ADGRG1: variants seen among roughly 807,000 people sequenced by gnomAD.
ADGRG1 encodes the protein adhesion G protein-coupled receptor G1, also known as 7-transmembrane protein with no EGF-like N-terminal domains-1.
A neutral mutation model predicts 73.5 loss-of-function variants in ADGRG1; 53 were observed. The ratio of observed to expected loss-of-function variants is 0.72; its 90% confidence interval spans 0.58 to 0.91. The LOEUF is 0.91. Among genes scored for constraint, ADGRG1 ranks in the 40% least tolerant of loss-of-function variants. The probability of loss-of-function intolerance (pLI) is 0.00; values close to 1 mark genes in which losing one functional copy is unlikely to be tolerated. For missense variants in ADGRG1, 795 were observed against 871.8 expected, an observed-to-expected ratio of 0.91 and a Z score of 1.11; for synonymous variants, 394 against 374.4, an observed-to-expected ratio of 1.05 and a Z score of -0.60.
At position 57,647,012 on chromosome 16, in the gene ADGRG1, G is replaced by T. The variant is rs971235273; in HGVS notation, c.-35-3241G>T. 7.1e-5 allele frequency: 69 copies of T among 975,094 alleles called. No homozygotes were observed. The African/African-American group carries it at 1.2e-3, about 17-fold the overall frequency. 60.4% of individuals were successfully genotyped at this position (975,094 alleles called of 1,614,324 possible). Reference sequence around the variant, plus strand: ...ATCTGCGGCTCCAGAGGCAGAGACAGGTCAGGTCCCAGGGGTCTGTGCGGA... The same window carrying T: ...ATCTGCGGCTCCAGAGGCAGAGACATGTCAGGTCCCAGGGGTCTGTGCGGA... On this transcript the variant is annotated intron_variant, in intron 1 of 13. Transcript: ENST00000562631.
At chr16:57,634,642 A>G (rs2038900932) in intron 1 of ADGRG1, 1 of 214,174 alleles carries the variant, frequency 4.7e-6, no homozygotes, top group Non-Finnish European at 8.0e-6. Flanking sequence ...CCAGAGTACC[A>G]CAGATGGCCA....
intron 1 of ADGRG1, chr16:57,635,977 G>A (rs1046884157): frequency 4.9e-5 from 48 of 985,210 alleles, no homozygotes; most frequent in East Asian, 1.1e-4. Flanking sequence ...GCTCTGCCTC[G>A]TGAGTCTCTG....
At chr16:57,653,073 C>A (rs2044525998) in intron 3 of ADGRG1, 130 bp from the exon 4 acceptor site, 24 of 1,566,300 alleles carry the variant, frequency 1.5e-5, no homozygotes, top group Admixed American at 3.5e-5. Context: ...CTTCTTGAAG[C>A]CTCAGTTTCC....
chr16:57,650,318 C>T lies in ADGRG1; in HGVS notation c.31C>T (p.Leu11=), dbSNP rs1165438096. ...TCCCCAGTCGCTGCTGCAGACGACA[C>T]TGTTCCTGCTGAGTCTGCTCTTCCT... MTPQSLLQTT[L]FLLSLLFLVQ... The change falls in exon 2 of 14, where the codon CTG becomes TTG. Residue 11 remains leucine, a synonymous_variant. Coordinates refer to ENST00000562631, the MANE Select transcript of ADGRG1 (RefSeq NM_201525.4). 1 of 1,613,558 alleles carries T rather than the reference C, an allele frequency of 6.2e-7. No individual in the cohort carries two copies. The highest frequency in any genetic ancestry group is 1.1e-5 in the South Asian group (1 of 91,080).
At position 57,628,724 on chromosome 16, in the gene ADGRG1, C is replaced by T; in HGVS notation, c.-114C>T. On this transcript the variant is annotated 5_prime_UTR_variant, in exon 1 of 14. Transcript: ENST00000562631. ...GGCAGGCAGCGGGGACCAGGGCTGG[C>T]AGGTTAAGCCTCTGGGGGTGGATCC... 2.0e-6 allele frequency: 2 copies of T among 985,502 alleles called. No homozygotes were observed. The highest frequency in any genetic ancestry group is 2.4e-6 in the Non-Finnish European group (2 of 829,964). The allele number at this position is 985,502 out of a possible 1,614,324, so 61.0% of individuals were successfully genotyped here.
chr16:57,622,764 G>T, upstream of ADGRG1: 1 of 985,272 alleles, frequency 1.0e-6, no homozygotes, highest in South Asian at 4.7e-5. Context: ...TCATGCTTAG[G>T]AAGACGGGGC....
At position 57,655,538 on chromosome 16, in the gene ADGRG1, G is replaced by C; in HGVS notation, c.900+8G>C. 6.2e-7 allele frequency: 1 copy of C among 1,613,740 alleles called. No individual in the cohort carries two copies. The highest frequency in any genetic ancestry group is 1.7e-5 in the Admixed American group (1 of 60,012). ...AGCCAAGCCCTGTTCCAGGTATGGGGTCCTCACCCTCATGCCTCCCAGGAG... is the reference window on the plus strand; with the variant it reads ...AGCCAAGCCCTGTTCCAGGTATGGGCTCCTCACCCTCATGCCTCCCAGGAG... On this transcript the variant is annotated splice_region_variant and intron_variant, in intron 6 of 13. Coordinates refer to ENST00000562631, the MANE Select transcript of ADGRG1 (RefSeq NM_201525.4).
At chr16:57,635,674 G>A (rs1259453274) in intron 1 of ADGRG1, 1 of 985,100 alleles carries the variant, frequency 1.0e-6, no homozygotes, top group Non-Finnish European at 1.2e-6. Context: ...TTTGGGCCCT[G>A]TGGCTCAGCC....
At chr16:57,655,847 A>T in intron 6 of ADGRG1, 29 bp from the exon 7 acceptor site, 1 of 1,613,602 alleles carries the variant, frequency 6.2e-7, no homozygotes, top group South Asian at 1.1e-5. Context: ...CTCCCTCCCT[A>T]CTCTCTTCCT....
chr16:57,660,272 C>A, intron 11 of ADGRG1: 1 of 985,268 alleles, frequency 1.0e-6, no homozygotes, highest in South Asian at 4.7e-5. Context: ...TGTCATTGGG[C>A]CCCTTCTTTG....
chr16:57,662,361 C>T (rs1290139492), intron 13 of ADGRG1, among the ~76,000 whole-genome samples: 1 of 152,256 alleles, frequency 6.6e-6, no homozygotes, highest in African/African-American at 2.4e-5. Context: ...AGGGAGGCCT[C>T]TCTGGATATG....
At chr16:57,657,170 G>A (rs1014520639) in intron 9 of ADGRG1, 3 of 197,514 alleles carry the variant, frequency 1.5e-5, no homozygotes, top group Admixed American at 1.3e-4. Flanking sequence ...GGGTCAGGAA[G>A]CCGCTTGAGA....
chr16:57,651,873 T>C, intron 3 of ADGRG1: 1 of 1,428,444 alleles, frequency 7.0e-7, no homozygotes, highest in Non-Finnish European at 9.1e-7. Flanking sequence ...GGGGTGAGGA[T>C]GGAAGGGCAA....
At chr16:57,653,951 C>G (rs771911349) in intron 4 of ADGRG1, 35 bp from the exon 5 acceptor site, 1 of 1,613,116 alleles carries the variant, frequency 6.2e-7, no homozygotes, top group East Asian at 2.2e-5. Flanking sequence ...CCGGCCCCCT[C>G]CCCACCATCA....
At chr16:57,659,783 C>A in intron 11 of ADGRG1, 102 bp downstream of exon 11, 1 of 1,213,732 alleles carries the variant, frequency 8.2e-7, no homozygotes, top group Non-Finnish European at 1.2e-6. Flanking sequence ...CTCTGACTTC[C>A]CTCCTGGCCT....
chr16:57,631,916 G>A lies in ADGRG1; in HGVS notation c.-36+3114G>A, dbSNP rs1436105907. Reference sequence around the variant, plus strand: ...GGGTAGAGGGGCCAAGGGTTGGGGAGTAGGAAGGGACACACATTTTCTGAC... The same window carrying A: ...GGGTAGAGGGGCCAAGGGTTGGGGAATAGGAAGGGACACACATTTTCTGAC... On this transcript the variant is annotated intron_variant, in intron 1 of 13. Transcript: ENST00000562631. 4 of 964,286 alleles carry A rather than the reference G, an allele frequency of 4.1e-6. No individual in the cohort carries two copies. The African/African-American group carries it at 5.4e-5, about 13-fold the overall frequency. The allele number at this position is 964,286 out of a possible 1,614,324, so 59.7% of individuals were successfully genotyped here.
chr16:57,626,417 T>C (rs942806927), upstream of ADGRG1, among the ~76,000 whole-genome samples: 12 of 152,208 alleles, frequency 7.9e-5, no homozygotes, highest in Admixed American at 1.3e-4. Flanking sequence ...GGATGCTGAA[T>C]ACCAACTCCA....
upstream of ADGRG1, chr16:57,624,744 C>G (rs2035510814): frequency 1.2e-5 from 12 of 981,680 alleles, no homozygotes; most frequent in Non-Finnish European, 1.3e-5. Context: ...CCCCTTATCC[C>G]TGTCCTGAGG....
At chr16:57,641,374 T>C (rs764088256) in intron 1 of ADGRG1, 2 of 982,186 alleles carry the variant, frequency 2.0e-6, no homozygotes, top group African/African-American at 1.7e-5. Flanking sequence ...AGGTGGAGAC[T>C]TGGCCATGAA....
Sources: allele counts gnomAD v4.1 joint callset (sites outside exome capture counted in the v4.1 genomes callset), GRCh38; gene constraint gnomAD v4.1.1; transcripts MANE v1.5; gene names NCBI Gene and HGNC (gene_info 2026-07-23, HGNC 2026-07-21).